The following GALNT13 variants were observed in gnomAD, a reference collection of about 807,000 sequenced individuals.
The protein encoded by GALNT13 is UDP-GalNAc:polypeptide N-acetylgalactosaminyltransferase 13.
Under a neutral mutation model 64.2 loss-of-function variants are expected in GALNT13, and 28 were observed. The ratio of observed to expected loss-of-function variants is 0.44; its 90% confidence interval spans 0.32 to 0.60. The LOEUF (loss-of-function observed/expected upper bound fraction) is 0.60, where lower values mean the gene tolerates loss of function less well. GALNT13 is among the 20% of genes least tolerant of loss of function. GALNT13 has a pLI of 0.05. For synonymous variants in GALNT13, 214 were observed against 224.6 expected (o/e 0.95, Z 0.42); for missense variants, 577 against 669.8 (o/e 0.86, Z 1.53).
chr2:153,247,665 A>G, the GALNT13 span, among the ~76,000 whole-genome samples: 17 of 151,802 alleles, frequency 1.1e-4, no homozygotes, highest in East Asian at 3.1e-3. Context: ...CTAGACAAGC[A>G]GGAGCAAACA....
At chr2:153,792,848 T>G in the GALNT13 span, among the ~76,000 whole-genome samples, 1 of 152,166 alleles carries the variant, frequency 6.6e-6, no homozygotes, top group Non-Finnish European at 1.5e-5. Flanking sequence ...AAAGTCGTAT[T>G]ACAAATTTGG....
the GALNT13 span, among the ~76,000 whole-genome samples, chr2:153,615,736 C>T: frequency 9.2e-5 from 14 of 151,884 alleles, no homozygotes; most frequent in Non-Finnish European, 1.8e-4. Flanking sequence ...TCTTTTAAAT[C>T]GAAATGGAGA....
intron 9 of GALNT13, among the ~76,000 whole-genome samples, chr2:154,352,607 A>G (rs549539488): frequency 1.3e-5 from 2 of 152,194 alleles, no homozygotes; most frequent in African/African-American, 4.8e-5. Context: ...GTTGTATACA[A>G]TGAGCTTGAA....
At chr2:153,753,358 A>T in the GALNT13 span, among the ~76,000 whole-genome samples, 10 of 152,168 alleles carry the variant, frequency 6.6e-5, no homozygotes, top group Non-Finnish European at 1.2e-4. Context: ...TAGTCTTCAC[A>T]GCCTGGGCTT....
the GALNT13 span, among the ~76,000 whole-genome samples, chr2:153,268,687 A>G: frequency 6.6e-6 from 1 of 152,362 alleles, no homozygotes; most frequent in East Asian, 1.9e-4. Context: ...CCTCTGCAGC[A>G]GACTTCTGCC....
chr2:153,742,366 C>T, the GALNT13 span, among the ~76,000 whole-genome samples: 6 of 151,856 alleles, frequency 4.0e-5, no homozygotes, highest in Middle Eastern at 3.4e-3. Flanking sequence ...TATATATATA[C>T]CACATTTTCT....
chr2:153,180,307 T>G, the GALNT13 span, among the ~76,000 whole-genome samples: 536 of 152,320 alleles, frequency 3.5e-3, 3 homozygotes, highest in African/African-American at 0.012. Flanking sequence ...TTTTTCATTC[T>G]GTTAATGTAG....
chr2:153,860,665 G>A, the GALNT13 span, among the ~76,000 whole-genome samples: 1 of 152,130 alleles, frequency 6.6e-6, no homozygotes, highest in Non-Finnish European at 1.5e-5. Flanking sequence ...GGTTATATAG[G>A]AGACAAAAAT....
chr2:153,514,545 G>A, the GALNT13 span, among the ~76,000 whole-genome samples: 3,150 of 152,182 alleles, frequency 0.021, 110 homozygotes, highest in African/African-American at 0.072. Flanking sequence ...AGAGTTGAGG[G>A]ATGTGAGATG....
chr2:154,198,778 T>A (rs1000411949), intron 4 of GALNT13, among the ~76,000 whole-genome samples: 1 of 152,064 alleles, frequency 6.6e-6, no homozygotes, highest in African/African-American at 2.4e-5. Flanking sequence ...AAGGACTTAA[T>A]AAGGTTATCT....
the GALNT13 span, among the ~76,000 whole-genome samples, chr2:153,131,425 A>G: frequency 6.6e-6 from 1 of 151,988 alleles, no homozygotes; most frequent in African/African-American, 2.4e-5. Context: ...TTGGCTCCAC[A>G]CTCTGAGAGT....
At chr2:153,863,318 C>T in the GALNT13 span, among the ~76,000 whole-genome samples, 9 of 152,078 alleles carry the variant, frequency 5.9e-5, no homozygotes, top group Admixed American at 1.3e-4. Context: ...TCATACTTTT[C>T]TTTGTTCCCC....
At chr2:154,282,668 GTGA>G (rs1200250437) in intron 8 of GALNT13, among the ~76,000 whole-genome samples, 2 of 152,052 alleles carry the variant, frequency 1.3e-5, no homozygotes, top group African/African-American at 2.4e-5. Flanking sequence ...AATTTTAAAT[GTGA>G]TGCTTTTTTT....
At chr2:153,992,403 T>A (rs1032425829) in intron 3 of GALNT13, among the ~76,000 whole-genome samples, 1 of 152,194 alleles carries the variant, frequency 6.6e-6, no homozygotes, top group Non-Finnish European at 1.5e-5. Context: ...ATGTTAGGAA[T>A]CTTTAATGCT....
At position 154,276,664 on chromosome 2, in the gene GALNT13, G is replaced by A. The variant is rs191677402; in HGVS notation, c.975+17526G>A. ...ATGTGATGACATGAGATTTGGAAGG[G>A]GCGGAATGATATGATTTATGTGTGT... On this transcript the variant is annotated intron_variant, in intron 8 of 12. Coordinates refer to ENST00000392825, the MANE Select transcript of GALNT13 (RefSeq NM_052917.4). Among the ~76,000 whole-genome samples, 3 of 152,276 alleles carry A rather than the reference G, an allele frequency of 2.0e-5. No individual in the cohort carries two copies. In the East Asian group the frequency reaches 5.8e-4, roughly 29 times the overall value.
the GALNT13 span, among the ~76,000 whole-genome samples, chr2:153,216,213 A>G: frequency 2.0e-5 from 3 of 152,028 alleles, no homozygotes; most frequent in African/African-American, 7.2e-5. Context: ...CAGTTTGTTT[A>G]TCCATTTTCC....
intron 8 of GALNT13, among the ~76,000 whole-genome samples, chr2:154,291,823 A>C (rs1187177082): frequency 6.6e-6 from 1 of 152,274 alleles, no homozygotes; most frequent in East Asian, 1.9e-4. Flanking sequence ...GGAGGTGCCG[A>C]GAGCAAGCGA....
At chr2:153,723,094 G>C in the GALNT13 span, among the ~76,000 whole-genome samples, 3 of 146,956 alleles carry the variant, frequency 2.0e-5, no homozygotes, top group Admixed American at 6.8e-5. Flanking sequence ...ACATCAAAAA[G>C]CTTATCCACC....
chr2:153,779,722 G>A, the GALNT13 span, among the ~76,000 whole-genome samples: 2 of 152,066 alleles, frequency 1.3e-5, no homozygotes, highest in African/African-American at 4.8e-5. Flanking sequence ...AATTTCTCAT[G>A]AGTGATGGTT....
Sources: gnomAD v4.1 joint callset for allele counts (sites outside exome capture counted in the v4.1 genomes callset) on GRCh38, gnomAD v4.1.1 for gene constraint, MANE v1.5 for transcripts, NCBI Gene and HGNC (gene_info 2026-07-23, HGNC 2026-07-21) for gene names.